TBX3: variants seen among roughly 807,000 people sequenced by gnomAD.
TBX3 encodes T-box transcription factor 3, also known as T-box transcription factor TBX3.
Under a neutral mutation model 47.8 loss-of-function variants are expected in TBX3, and 11 were observed. The ratio of observed to expected loss-of-function variants is 0.23; its 90% CI spans 0.14 to 0.38. TBX3 has a LOEUF of 0.38. Among genes scored for constraint, TBX3 ranks in the 10% least tolerant of loss-of-function variants. The pLI is 1.00. For missense variants in TBX3, 927 were observed against 1,022.8 expected (o/e 0.91, Z 1.28); for synonymous variants, 500 against 449.3 (o/e 1.11, Z -1.43).
chr12:114,682,738 T>C, intron 1 of TBX3, 74 bp downstream of exon 1: 3 of 1,610,118 alleles, frequency 1.9e-6, no homozygotes, highest in Non-Finnish European at 2.5e-6. Context: ...ACCAACCGAC[T>C]GTTCTGGGAG....
chr12:114,681,496 T>C (rs1218023625), intron 1 of TBX3, among the ~76,000 whole-genome samples: 1 of 152,206 alleles, frequency 6.6e-6, no homozygotes, highest in East Asian at 1.9e-4. Context: ...TGTCTTTTTC[T>C]GTGGGTATCT....
At chr12:114,673,841 G>T (rs1387613832) in intron 6 of TBX3, among the ~76,000 whole-genome samples, 1 of 152,222 alleles carries the variant, frequency 6.6e-6, no homozygotes, top group Non-Finnish European at 1.5e-5. Context: ...CCCCTGAAGG[G>T]TTAGGTCAAA....
intron 2 of TBX3, chr12:114,680,260 C>T: frequency 2.2e-6 from 1 of 465,068 alleles, no homozygotes; most frequent in South Asian, 2.3e-5. Context: ...CGCAAAAGGT[C>T]CTTTGCCTGA....
chr12:114,674,274 G>A lies in TBX3; in HGVS notation c.1601C>T (p.Ser534Leu), dbSNP rs764962945. ...GGCCATGGCCGTGGAATCCAGGCCC[G>A]AGACACCGGTGGAGGCCCCAGAAAC... ...ATVSGASTGV[S>L]GLDSTAMASA... is the part of the protein sequence containing the mutation. Residue 534 changes from serine (S) to leucine (L), a missense_variant, in exon 6 of 7, where the codon TCG becomes TTG. Coordinates refer to ENST00000349155, the MANE Select transcript of TBX3 (RefSeq NM_005996.4). The A allele has an allele frequency of 6.3e-6, 10 of 1,580,956 alleles. No homozygotes were observed. The highest frequency in any genetic ancestry group is 1.8e-5 in the Admixed American group (1 of 55,044).
intron 2 of TBX3, chr12:114,680,029 G>T: frequency 1.9e-6 from 3 of 1,583,646 alleles, no homozygotes; most frequent in Non-Finnish European, 2.6e-6. Flanking sequence ...AGTACTTTAA[G>T]CGCCCACTAA....
chr12:114,680,451 A>G lies in TBX3; in HGVS notation c.657+428T>C. On this transcript the variant is annotated intron_variant, in intron 2 of 6. Coordinates refer to ENST00000349155, the MANE Select transcript of TBX3 (RefSeq NM_005996.4). The stretch of plus-strand genomic sequence containing the variant: ...AACGAGTTTTTAAAAATGTATTCAC[A>G]CCATTTAACCAACAGAGTCAAGGCT... 3 of 305,976 alleles carry G rather than the reference A, an allele frequency of 9.8e-6. No homozygotes were observed. The South Asian group carries it at 1.1e-4, about 11-fold the overall frequency. The allele number at this position is 305,976 out of a possible 1,614,324, so 19.0% of individuals were successfully genotyped here.
At chr12:114,679,996 C>T (rs768974562) in intron 2 of TBX3, 47 of 1,613,200 alleles carry the variant, frequency 2.9e-5, no homozygotes, top group Non-Finnish European at 3.7e-5. Flanking sequence ...GAAAAACATG[C>T]ATTTTAATTT....
At chr12:114,680,291 TTTC>T in intron 2 of TBX3, 1 of 394,560 alleles carries the variant, frequency 2.5e-6, no homozygotes, top group Non-Finnish European at 4.7e-6. Context: ...CAATGAAAGT[TTTC>T]TAAGTTTCTA....
In TBX3 at chr12:114,676,425, G is replaced by C. The variant is rs767275234; in HGVS notation, c.927C>G (p.His309Gln). The C allele has an allele frequency of 6.2e-7, 1 of 1,614,226 alleles. No homozygotes were observed. Among genetic ancestry groups the C allele is most frequent in the Non-Finnish European group, 8.5e-7 (1 of 1,180,036 alleles). The change falls in exon 5 of 7, where the codon CAC becomes CAG. Residue 309 changes from histidine (H) to glutamine (Q), a missense_variant. Physicochemically the swap from His to Gln is conservative, Grantham distance 24. This residue lies in a region of TBX3 where 44 missense variants were observed against 59.3 expected (regional missense o/e 0.74). Coordinates refer to ENST00000349155, the MANE Select transcript of TBX3 (RefSeq NM_005996.4). The part of the protein sequence containing the change: ...LQSMRVFDER[H>Q]KKENGTSDES... The stretch of plus-strand genomic sequence containing the variant: ...CATCAGAGGTCCCATTCTCCTTTTT[G>C]TGTCTTTCATCAAACACCCTCATGG...
In TBX3 at chr12:114,679,223, G is replaced by T. The variant is rs111800750; in HGVS notation, c.804+282C>A. On this transcript the variant is annotated intron_variant, in intron 3 of 6. Coordinates refer to ENST00000349155, the MANE Select transcript of TBX3 (RefSeq NM_005996.4). ...AAAACAGACAGGACAAAGCCCAAGA[G>T]GGGGGGAGGAGTGGGTGGCATCAAT... Among the ~76,000 whole-genome samples, 9 of 152,084 alleles carry T rather than the reference G, an allele frequency of 5.9e-5. No individual in the cohort carries two copies. The East Asian group carries it at 1.6e-3, about 26-fold the overall frequency.
intron 1 of TBX3, among the ~76,000 whole-genome samples, chr12:114,682,118 C>T (rs940153075): frequency 5.3e-5 from 8 of 152,104 alleles, no homozygotes; most frequent in African/African-American, 1.9e-4. Context: ...GACCTTTAAA[C>T]ATTATGTAAA....
Position 114,674,279 on chromosome 12 carries a change from A to G in TBX3, c.1596T>C (p.Gly532=). ...TGGCCGTGGAATCCAGGCCCGAGAC[A>G]CCGGTGGAGGCCCCAGAAACCGTGG... is the stretch of plus-strand genomic sequence containing the variant. ...LLATVSGAST[G]VSGLDSTAMA... Residue 532 remains glycine, a synonymous_variant, in exon 6 of 7, where the codon GGT becomes GGC. Coordinates refer to ENST00000349155, the MANE Select transcript of TBX3 (RefSeq NM_005996.4). The G allele has an allele frequency of 6.3e-7, 1 of 1,580,840 alleles. No homozygotes were observed. Among genetic ancestry groups the G allele is most frequent in the Non-Finnish European group, 8.6e-7 (1 of 1,163,802 alleles).
At position 114,672,165 on chromosome 12, in the gene TBX3, C is replaced by T. The variant is rs1178458761; in HGVS notation, c.1848G>A (p.Pro616=). Residue 616 remains proline, a synonymous_variant, in exon 7 of 7, where the codon CCG becomes CCA. Transcript: ENST00000349155. ...HPFLNLNTMR[P]RLRYSPYSIP... is the part of the protein sequence containing the mutation. ...TGGAGTAGGGGCTGTAGCGCAGCCGCGGGCGCATGGTGTTCAGATTGAGGA... is the reference window on the plus strand; with the variant it reads ...TGGAGTAGGGGCTGTAGCGCAGCCGTGGGCGCATGGTGTTCAGATTGAGGA... 2.5e-6 allele frequency: 4 copies of T among 1,570,934 alleles called. No homozygotes were observed. The highest frequency in any genetic ancestry group is 3.5e-6 in the Non-Finnish European group (4 of 1,158,830).
chr12:114,682,694 G>C, intron 1 of TBX3, 118 bp downstream of exon 1: 1 of 1,504,836 alleles, frequency 6.6e-7, no homozygotes. Context: ...ACATTTCTAG[G>C]GGAACTAACT....
At chr12:114,678,720 T>C (rs868260622) in intron 3 of TBX3, among the ~76,000 whole-genome samples, 8 of 152,182 alleles carry the variant, frequency 5.3e-5, no homozygotes, top group South Asian at 4.1e-4. Flanking sequence ...ACCCCATAAC[T>C]GCTAACAGCC....
At position 114,679,679 on chromosome 12, in the gene TBX3, C is replaced by G. The variant is rs757731617; in HGVS notation, c.658-28G>C. On this transcript the variant is annotated intron_variant, in intron 2 of 6. Coordinates refer to ENST00000349155, the MANE Select transcript of TBX3 (RefSeq NM_005996.4). ...GCAGGGGCAGGGAAGAGGAGACATA[C>G]ATAAAACAAGGATTTAGCAGAACAA... The G allele has an allele frequency of 8.7e-6, 14 of 1,614,058 alleles. 1 individual carries two copies. Among genetic ancestry groups the G allele is most frequent in the Non-Finnish European group, 1.2e-5 (14 of 1,179,970 alleles).
At position 114,676,490 on chromosome 12, in the gene TBX3, C is replaced by A. The variant is rs776923551; in HGVS notation, c.882-20G>T. ...TGTTTTCTGTGGCAGAAGCCCACACCCAGGTTACAGAATGTAACATACATT... is the reference window on the plus strand; with the variant it reads ...TGTTTTCTGTGGCAGAAGCCCACACACAGGTTACAGAATGTAACATACATT... On this transcript the variant is annotated intron_variant, in intron 4 of 6. Coordinates refer to ENST00000349155, the MANE Select transcript of TBX3 (RefSeq NM_005996.4). The A allele has an allele frequency of 6.2e-7, 1 of 1,614,128 alleles. No individual in the cohort carries two copies. Among genetic ancestry groups the A allele is most frequent in the South Asian group, 1.1e-5 (1 of 91,080 alleles).
intron 3 of TBX3, 138 bp downstream of exon 3, chr12:114,679,367 C>G (rs1408510585): frequency 1.6e-6 from 2 of 1,241,058 alleles, no homozygotes; most frequent in Non-Finnish European, 2.3e-6. Context: ...TCCTTTCCCC[C>G]CAAATGCTCC....
At position 114,683,301 on chromosome 12, in the gene TBX3, A is replaced by T; in HGVS notation, c.-101T>A. On this transcript the variant is annotated 5_prime_UTR_variant, in exon 1 of 7. Coordinates refer to ENST00000349155, the MANE Select transcript of TBX3 (RefSeq NM_005996.4). This position sits in a 1 kb window ranked among gnomAD's most constrained non-coding sequence, Gnocchi z 7.7. Reference sequence around the variant, plus strand: ...GTTTAACAGCAGCACATAATTCAAAAGGGGGGAAAAAGCAAAACAAAAAAG... The same window carrying T: ...GTTTAACAGCAGCACATAATTCAAATGGGGGGAAAAAGCAAAACAAAAAAG... 6.7e-7 allele frequency: 1 copy of T among 1,499,744 alleles called. No individual in the cohort carries two copies. Among genetic ancestry groups the T allele is most frequent in the Non-Finnish European group, 9.0e-7 (1 of 1,106,088 alleles). The allele number at this position is 1,499,744 out of a possible 1,614,324, so 92.9% of individuals were successfully genotyped here.
Sources: allele counts gnomAD v4.1 joint callset (sites outside exome capture counted in the v4.1 genomes callset), GRCh38; gene constraint gnomAD v4.1.1; regional missense constraint gnomAD v4.1.1; non-coding constraint Gnocchi (gnomAD v3.1); transcripts MANE v1.5; gene names NCBI Gene and HGNC (gene_info 2026-07-23, HGNC 2026-07-21).